Variants in DLG2 observed in about 807,000 individuals in gnomAD.
DLG2 encodes disks large homolog 2.
A neutral mutation model predicts 132.5 loss-of-function variants in DLG2; 45 were observed. The observed-to-expected ratio is 0.34, with a 90% CI of 0.27 to 0.44. The LOEUF (loss-of-function observed/expected upper bound fraction) is 0.44. Among genes scored for constraint, DLG2 ranks in the 20% least tolerant of loss-of-function variants. The pLI is 1.00. For synonymous variants in DLG2, 424 were observed against 419.6 expected (o/e 1.01, Z -0.13); for missense variants, 1,045 against 1,196.9 (o/e 0.87, Z 1.87).
intron 4 of DLG2, among the ~76,000 whole-genome samples, chr11:85,247,086 T>C (rs1353803147): frequency 2.0e-5 from 3 of 152,110 alleles, no homozygotes; most frequent in Non-Finnish European, 2.9e-5. Flanking sequence ...TTTTCTTCTA[T>C]CTCCATTTAT....
intron 18 of DLG2, chr11:83,724,738 G>T: frequency 1.6e-6 from 1 of 643,102 alleles, no homozygotes; most frequent in Non-Finnish European, 2.9e-6. Context: ...GCAGGGAAAG[G>T]CTGTTTTAGG....
intron 3 of DLG2, among the ~76,000 whole-genome samples, chr11:85,434,307 A>C (rs773899392): frequency 2.6e-5 from 4 of 152,120 alleles, no homozygotes; most frequent in Non-Finnish European, 5.9e-5. Flanking sequence ...GCAGAAGAAG[A>C]GAAATAACTA....
chr11:83,867,535 G>A (rs1446328112), intron 16 of DLG2, among the ~76,000 whole-genome samples: 1 of 151,884 alleles, frequency 6.6e-6, no homozygotes, highest in East Asian at 1.9e-4. Context: ...TTTCTTTTAT[G>A]GAACAATAAT....
chr11:85,413,923 A>C (rs939544825), intron 3 of DLG2, among the ~76,000 whole-genome samples: 4 of 151,698 alleles, frequency 2.6e-5, no homozygotes, highest in Non-Finnish European at 4.4e-5. Context: ...ATTTTTTTTT[A>C]GTTCTCTGAA....
chr11:83,577,883 AAT>A (rs968164423), intron 19 of DLG2, among the ~76,000 whole-genome samples: 2 of 122,940 alleles, frequency 1.6e-5, no homozygotes, highest in Admixed American at 2.0e-4. Flanking sequence ...ATATAATATA[AAT>A]ATATAAATGG....
intron 17 of DLG2, among the ~76,000 whole-genome samples, chr11:83,807,678 G>A (rs2046255023): frequency 6.6e-6 from 1 of 152,140 alleles, no homozygotes; most frequent in Non-Finnish European, 1.5e-5. Flanking sequence ...TTGTGACCAA[G>A]AATTTAACTG....
intron 6 of DLG2, among the ~76,000 whole-genome samples, chr11:84,861,626 AAAAAAAAAAAAAAC>A (rs1428826020): frequency 0.17 from 18,073 of 105,080 alleles, 1,617 homozygotes; most frequent in Non-Finnish European, 0.22. Flanking sequence ...AGCAAAAAAA[AAAAAAAAAAAAAAC>A]AAAAAAAAAA....
At chr11:84,096,215 A>G (rs1369148987) in intron 10 of DLG2, among the ~76,000 whole-genome samples, 1 of 152,156 alleles carries the variant, frequency 6.6e-6, no homozygotes, top group Non-Finnish European at 1.5e-5. Flanking sequence ...TTATGGCCAC[A>G]ATAATAGTAC....
intron 6 of DLG2, among the ~76,000 whole-genome samples, chr11:84,793,610 T>G (rs948001348): frequency 6.6e-6 from 1 of 152,220 alleles, no homozygotes; most frequent in Non-Finnish European, 1.5e-5. Flanking sequence ...ATATTCACAA[T>G]TGTCATATCC....
chr11:83,779,283 T>C (rs745860728), intron 18 of DLG2, among the ~76,000 whole-genome samples: 3 of 152,110 alleles, frequency 2.0e-5, no homozygotes, highest in Admixed American at 6.6e-5. Flanking sequence ...AACTGTAATA[T>C]ATTTGAACTA....
chr11:83,607,620 C>A (rs991985778), intron 19 of DLG2, among the ~76,000 whole-genome samples: 24 of 152,256 alleles, frequency 1.6e-4, no homozygotes, highest in African/African-American at 5.3e-4. Flanking sequence ...CCTGGATATA[C>A]CCAAAACAAA....
intron 19 of DLG2, among the ~76,000 whole-genome samples, chr11:83,625,727 T>G (rs778342396): frequency 6.6e-6 from 1 of 152,200 alleles, no homozygotes; most frequent in Non-Finnish European, 1.5e-5. Flanking sequence ...TCTAAATCCA[T>G]TATTAAATTA....
chr11:85,024,666 G>A (rs57532559), intron 6 of DLG2, among the ~76,000 whole-genome samples: 301 of 152,298 alleles, frequency 2.0e-3, no homozygotes, highest in African/African-American at 6.9e-3. Flanking sequence ...TAAGCCATTT[G>A]TAAGCACTCT....
intron 5 of DLG2, among the ~76,000 whole-genome samples, chr11:85,152,675 C>T (rs1228989622): frequency 6.6e-6 from 1 of 152,142 alleles, no homozygotes; most frequent in East Asian, 1.9e-4. Context: ...AGTGACTTGC[C>T]CAAGAACATT....
intron 4 of DLG2, among the ~76,000 whole-genome samples, chr11:85,157,684 T>C (rs905938943): frequency 3.3e-5 from 5 of 151,880 alleles, no homozygotes; most frequent in African/African-American, 1.2e-4. Flanking sequence ...TTACCCTGAG[T>C]GAAAGTCTTA....
rs866965322 is a variant in DLG2, at chr11:84,788,434, T to C, written c.358-253703A>G. Among the ~76,000 whole-genome samples, 3 of 152,212 alleles carry C rather than the reference T, an allele frequency of 2.0e-5. No homozygotes were observed. The South Asian group carries it at 6.2e-4, about 32-fold the overall frequency. On this transcript the variant is annotated intron_variant, in intron 6 of 27. Coordinates refer to ENST00000376104, the MANE Select transcript of DLG2 (RefSeq NM_001142699.3). ...TGTCTCTGTCACTGCGACCTAATAA[T>C]ATCAATCAGGGTAATAAAATGCATG...
chr11:84,895,558 A>G (rs1159196739), intron 6 of DLG2, among the ~76,000 whole-genome samples: 1 of 152,166 alleles, frequency 6.6e-6, no homozygotes, highest in South Asian at 2.1e-4. Flanking sequence ...CTATGACATC[A>G]TTTCAAACTA....
intron 3 of DLG2, among the ~76,000 whole-genome samples, chr11:85,480,165 G>C (rs901993150): frequency 3.9e-5 from 6 of 152,198 alleles, no homozygotes; most frequent in African/African-American, 1.2e-4. Flanking sequence ...TTTGCTGATG[G>C]AAGTATAAAT....
intron 18 of DLG2, among the ~76,000 whole-genome samples, chr11:83,633,793 A>C (rs1472202947): frequency 6.8e-6 from 1 of 147,904 alleles, no homozygotes; most frequent in Non-Finnish European, 1.5e-5. Flanking sequence ...ACTGCGGAAA[A>C]TCTGAATAAT....
Sources: allele counts gnomAD v4.1 joint callset (sites outside exome capture counted in the v4.1 genomes callset), GRCh38; gene constraint gnomAD v4.1.1; transcripts MANE v1.5; gene names NCBI Gene and HGNC (gene_info 2026-07-23, HGNC 2026-07-21).